The following ARHGEF18 variants were observed in gnomAD, a reference collection of about 807,000 sequenced individuals.
ARHGEF18 encodes the protein rho guanine nucleotide exchange factor 18.
ARHGEF18 carries 93 observed loss-of-function variants against 155.7 expected under a neutral mutation model. That is an observed-to-expected ratio of 0.60 (90% CI 0.50 to 0.71). The LOEUF is 0.71. Among genes scored for constraint, ARHGEF18 ranks in the 30% least tolerant of loss-of-function variants. ARHGEF18 has a pLI of 0.00. For synonymous variants in ARHGEF18, 742 were observed against 753.1 expected, an observed-to-expected ratio of 0.99 and a Z score of 0.24; for missense variants, 1,593 against 1,816.1, an observed-to-expected ratio of 0.88 and a Z score of 2.23.
rs768895517 is a variant in ARHGEF18 at position 7,462,180 on chromosome 19, C to T, written c.2481C>T (p.Ile827=). Residue 827 remains isoleucine (I), a synonymous_variant, in exon 21 of 29, where the codon ATC becomes ATT. Coordinates refer to ENST00000668164, the MANE Select transcript of ARHGEF18 (RefSeq NM_001367823.1). This position sits in a 1 kb window ranked among gnomAD's most constrained non-coding sequence, Gnocchi z 4.4. ...GGTTGAGCATGAAAGACCAGCTGAT[C>T]GCACAGAGCCTCCTAGAGAAACAGC... ...QERLSMKDQL[I]AQSLLEKQQI... 10 of 1,613,956 alleles carry T rather than the reference C, an allele frequency of 6.2e-6. No individual in the cohort carries two copies. The highest frequency in any genetic ancestry group is 1.7e-5 in the Admixed American group (1 of 60,022).
At chr19:7,467,170 G>C (rs1205860348) in intron 25 of ARHGEF18, 44 bp from the exon 26 acceptor site, 1 of 1,577,958 alleles carries the variant, frequency 6.3e-7, no homozygotes, top group Non-Finnish European at 8.6e-7. Flanking sequence ...GGTTGGCTGG[G>C]GCGCAGGTGC....
At chr19:7,449,580 C>T (rs536834147) in intron 15 of ARHGEF18, among the ~76,000 whole-genome samples, 1 of 152,094 alleles carries the variant, frequency 6.6e-6, no homozygotes, top group Non-Finnish European at 1.5e-5. Context: ...CTGGAGGGTT[C>T]CAGCAGTCAT....
chr19:7,418,082 A>G (rs1373544406), intron 10 of ARHGEF18, among the ~76,000 whole-genome samples: 1 of 152,090 alleles, frequency 6.6e-6, no homozygotes, highest in Non-Finnish European at 1.5e-5. Context: ...CAGAGGAGGG[A>G]CATGCCTGAC....
intron 3 of ARHGEF18, among the ~76,000 whole-genome samples, chr19:7,373,849 A>ATTTTTT (rs57703407): frequency 8.2e-6 from 1 of 122,052 alleles, no homozygotes; most frequent in African/African-American, 3.3e-5. Flanking sequence ...TCCTATGAGA[A>ATTTTTT]TTTTTTTTTT....
chr19:7,406,050 G>C (rs80192003), intron 10 of ARHGEF18, among the ~76,000 whole-genome samples: 10,840 of 152,150 alleles, frequency 0.071, 1,249 homozygotes, highest in African/African-American at 0.24. Flanking sequence ...AGAGAGGAAA[G>C]AGGAGGTCTT....
chr19:7,378,579 C>A, intron 6 of ARHGEF18, 128 bp downstream of exon 6: 1 of 641,766 alleles, frequency 1.6e-6, no homozygotes, highest in Non-Finnish European at 2.2e-6. Context: ...CACCATCCCA[C>A]TAGTCCCCCC....
chr19:7,456,033 G>A (rs911745693), intron 17 of ARHGEF18, among the ~76,000 whole-genome samples: 3 of 144,044 alleles, frequency 2.1e-5, no homozygotes, highest in South Asian at 2.1e-4. Context: ...CCCAGCAGGT[G>A]TTGTTACAGC....
intron 10 of ARHGEF18, among the ~76,000 whole-genome samples, chr19:7,423,735 A>G (rs11668884): frequency 0.015 from 2,235 of 152,048 alleles, 32 homozygotes; most frequent in Non-Finnish European, 0.022. Context: ...ACGTGGCAGA[A>G]TAAGATTCAA....
chr19:7,357,554 G>T (rs1414817626), intron 1 of ARHGEF18, among the ~76,000 whole-genome samples: 1 of 152,184 alleles, frequency 6.6e-6, no homozygotes, highest in African/African-American at 2.4e-5. Context: ...GGGGAGCAGG[G>T]TGCATCCCCA....
intron 10 of ARHGEF18, among the ~76,000 whole-genome samples, chr19:7,421,800 C>T (rs1161123946): frequency 1.3e-5 from 2 of 152,058 alleles, no homozygotes; most frequent in African/African-American, 4.8e-5. Flanking sequence ...TTGATGATGG[C>T]CCTGACTCCA....
At chr19:7,396,235 G>A (rs796115909) in intron 10 of ARHGEF18, among the ~76,000 whole-genome samples, 18 of 152,298 alleles carry the variant, frequency 1.2e-4, no homozygotes, top group African/African-American at 4.3e-4. Context: ...CCACGGAAGC[G>A]AAGCGGCCAA....
Position 7,401,849 on chromosome 19 carries a change from C to T in ARHGEF18, c.967+18646C>T, listed in dbSNP as rs560048002. The stretch of plus-strand genomic sequence containing the variant: ...ACCTAAATGTTCATCAGCTGAGGAA[C>T]GGATACATAAAATGTGGTCCCGCCA... On this transcript the variant is annotated intron_variant, in intron 10 of 28. Transcript: ENST00000668164. 1.4e-4 allele frequency among the ~76,000 whole-genome samples: 21 copies of T among 152,184 alleles called. No individual in the cohort carries two copies. In the South Asian group the frequency reaches 3.3e-3, roughly 24 times the overall value.
intron 10 of ARHGEF18, among the ~76,000 whole-genome samples, chr19:7,415,749 T>C (rs370318010): frequency 9.9e-5 from 15 of 151,930 alleles, no homozygotes; most frequent in East Asian, 9.7e-4. Flanking sequence ...CCGCAGCTCC[T>C]GGAGTTTCCC....
chr19:7,477,892 C>G, the ARHGEF18 span, among the ~76,000 whole-genome samples: 1 of 152,202 alleles, frequency 6.6e-6, no homozygotes, highest in Non-Finnish European at 1.5e-5. Context: ...CGTGCTGGCC[C>G]GTGCCTGTAG....
intron 2 of ARHGEF18, among the ~76,000 whole-genome samples, chr19:7,363,265 T>G (rs998393618): frequency 2.7e-5 from 4 of 150,304 alleles, no homozygotes; most frequent in Admixed American, 6.6e-5. Context: ...GGTGGCTGGG[T>G]GGATGAATGG....
chr19:7,438,994 C>T (rs927810290), intron 10 of ARHGEF18, among the ~76,000 whole-genome samples: 91 of 152,200 alleles, frequency 6.0e-4, no homozygotes, highest in African/African-American at 2.0e-3. Context: ...GCCTCAGCCT[C>T]CCGAGTAGCT....
At chr19:7,433,507 C>CAA (rs35825715) in intron 10 of ARHGEF18, among the ~76,000 whole-genome samples, 14,577 of 58,864 alleles carry the variant, frequency 0.25, 1,736 homozygotes, top group Middle Eastern at 0.36. Flanking sequence ...ACTCCGTCTC[C>CAA]AAAAAAAAAA....
chr19:7,416,338 C>G (rs1973004631), intron 10 of ARHGEF18, among the ~76,000 whole-genome samples: 1 of 151,996 alleles, frequency 6.6e-6, no homozygotes. Context: ...TCCTTGAGCC[C>G]AGGAGTTCGA....
At position 7,460,534 on chromosome 19, in the gene ARHGEF18, C is replaced by G. The variant is rs190881935; in HGVS notation, c.2452+540C>G. On this transcript the variant is annotated intron_variant, in intron 20 of 28. Transcript: ENST00000668164. The stretch of plus-strand genomic sequence containing the variant: ...CACCCCAGAAAGAAGCCCCGTCCCC[C>G]TTAACAGTCACTCCCCACCCCATGC... Among the ~76,000 whole-genome samples, 656 of 152,176 alleles carry G rather than the reference C, an allele frequency of 4.3e-3. 1 individual carries two copies. The highest frequency in any genetic ancestry group is 0.015 in the African/African-American group (623 of 41,498).
Sources: allele counts gnomAD v4.1 joint callset (sites outside exome capture counted in the v4.1 genomes callset), GRCh38; gene constraint gnomAD v4.1.1; non-coding constraint Gnocchi (gnomAD v3.1); transcripts MANE v1.5; gene names NCBI Gene and HGNC (gene_info 2026-07-23, HGNC 2026-07-21).